PLEKHA1: variants seen among roughly 807,000 people sequenced by gnomAD.
PLEKHA1 encodes the protein pleckstrin homology domain containing A1.
A neutral mutation model predicts 52.0 loss-of-function variants in PLEKHA1; 34 were observed. The observed-to-expected ratio is 0.65, with a 90% CI of 0.50 to 0.87. The LOEUF (loss-of-function observed/expected upper bound fraction) is 0.87, where lower values mean the gene tolerates loss of function less well. PLEKHA1 is among the 40% of genes least tolerant of loss of function. The pLI, the probability that PLEKHA1 is intolerant of heterozygous loss-of-function variation, is 0.00. For missense variants in PLEKHA1, 497 were observed against 504.2 expected (o/e 0.99, Z 0.14); for synonymous variants, 163 against 170.7 (o/e 0.95, Z 0.35).
chr10:122,393,156 T>C lies in PLEKHA1; in HGVS notation c.-20-25T>C. ...ATACTTTCCTGTTTCATAGGGAGCT[T>C]ACTGTTAATATTTTTATTTTACAGT... On this transcript the variant is annotated intron_variant, in intron 1 of 11. Transcript: ENST00000368990. The surrounding 1 kb of genome is among the most constrained non-coding windows in gnomAD (Gnocchi z 4.5). The C allele has an allele frequency of 6.5e-7, 1 of 1,545,784 alleles. No individual in the cohort carries two copies. The highest frequency in any genetic ancestry group is 8.7e-7 in the Non-Finnish European group (1 of 1,144,766).
rs2096803098 is a variant in PLEKHA1 at position 122,393,484 on chromosome 10, C to T, written c.141+143C>T. 3 of 665,742 alleles carry T rather than the reference C, an allele frequency of 4.5e-6. No homozygotes were observed. In the South Asian group the frequency reaches 1.5e-4, roughly 33 times the overall value. The allele number at this position is 665,742 out of a possible 1,614,324, so 41.2% of individuals were successfully genotyped here. A position where few individuals can be genotyped will look rare whatever the true frequency, so the allele number is the denominator to read the frequency against. On this transcript the variant is annotated intron_variant, in intron 2 of 11. Coordinates refer to ENST00000368990, the MANE Select transcript of PLEKHA1 (RefSeq NM_001001974.4). The surrounding 1 kb of genome is among the most constrained non-coding windows in gnomAD (Gnocchi z 4.5). ...TACTGGCTGTCCTCTCTGCCCTGCACCCCTGACCTCTACTGTTTTGTTTGA... is the reference window on the plus strand; with the variant it reads ...TACTGGCTGTCCTCTCTGCCCTGCATCCCTGACCTCTACTGTTTTGTTTGA...
chr10:122,442,257 C>T, the PLEKHA1 span: 12 of 152,190 alleles, frequency 7.9e-5, no homozygotes, highest in East Asian at 2.1e-3. Context: ...GTTAACTGTA[C>T]TAGAGTCTTT....
intron 8 of PLEKHA1, 153 bp from the exon 9 acceptor site, chr10:122,424,045 TG>T: frequency 2.0e-6 from 2 of 997,346 alleles, no homozygotes; most frequent in South Asian, 3.5e-5. Context: ...ATTCAGATGC[TG>T]GATGGTTTAA....
At chr10:122,415,136 A>G (rs1411696638) in intron 6 of PLEKHA1, among the ~76,000 whole-genome samples, 1 of 152,148 alleles carries the variant, frequency 6.6e-6, no homozygotes, top group Non-Finnish European at 1.5e-5. Flanking sequence ...AAAGGAATGA[A>G]CTCTAGATAC....
intron 10 of PLEKHA1, chr10:122,425,225 C>G (rs1243001513): frequency 3.5e-6 from 1 of 285,838 alleles, no homozygotes; most frequent in African/African-American, 2.2e-5. Context: ...TAAGTGTGTA[C>G]TTTCAAGTTG....
intron 1 of PLEKHA1, among the ~76,000 whole-genome samples, chr10:122,382,534 G>A (rs2096629099): frequency 6.6e-6 from 1 of 152,206 alleles, no homozygotes; most frequent in Non-Finnish European, 1.5e-5. Flanking sequence ...GATATTTTGA[G>A]ACTATGAATA....
At chr10:122,391,043 A>G (rs900787798) in intron 1 of PLEKHA1, among the ~76,000 whole-genome samples, 1 of 152,020 alleles carries the variant, frequency 6.6e-6, no homozygotes, top group African/African-American at 2.4e-5. Flanking sequence ...TTCCCTAATG[A>G]CTGATGATAT....
At chr10:122,428,860 A>G (rs370956344) in intron 11 of PLEKHA1, among the ~76,000 whole-genome samples, 6 of 152,178 alleles carry the variant, frequency 3.9e-5, no homozygotes, top group African/African-American at 9.6e-5. Flanking sequence ...GTATATAGCA[A>G]TGTATTTAGA....
At chr10:122,379,656 G>A (rs1476758041) in intron 1 of PLEKHA1, among the ~76,000 whole-genome samples, 2 of 152,202 alleles carry the variant, frequency 1.3e-5, no homozygotes, top group Non-Finnish European at 2.9e-5. Flanking sequence ...GTGCTGATTA[G>A]GGTGCCAGAG....
intron 1 of PLEKHA1, among the ~76,000 whole-genome samples, chr10:122,379,308 C>T (rs2096582543): frequency 6.6e-6 from 1 of 152,196 alleles, no homozygotes; most frequent in Non-Finnish European, 1.5e-5. Flanking sequence ...TTCTATTCAA[C>T]CCACTGGAAA....
At chr10:122,436,782 A>G (rs1477393634), downstream of PLEKHA1, 4 of 152,188 alleles carry the variant, frequency 2.6e-5, no homozygotes, top group East Asian at 3.9e-4. Flanking sequence ...AGAAAAAGGT[A>G]CTTCTAAGTA....
chr10:122,426,290 A>AT lies in PLEKHA1; in HGVS notation c.811-637dup, dbSNP rs201108557. On this transcript the variant is annotated intron_variant, in intron 10 of 11. Transcript: ENST00000368990. The stretch of plus-strand genomic sequence containing the variant: ...GTATACTCTACCTTTGGCTACTTGT[A>AT]TTTTTTTTTTTTTTTAGTCTTTGTT... 5.0e-3 allele frequency among the ~76,000 whole-genome samples: 703 copies of AT among 139,240 alleles called. 3 individuals carry two copies. The highest frequency in any genetic ancestry group is 5.4e-3 in the Non-Finnish European group (342 of 63,786). The allele number at this position is 139,240 out of a possible 152,430, so 91.3% of individuals were successfully genotyped here. A position where few individuals can be genotyped will look rare whatever the true frequency, so the allele number is the denominator to read the frequency against.
intron 6 of PLEKHA1, among the ~76,000 whole-genome samples, chr10:122,414,065 T>C (rs2097141905): frequency 6.6e-6 from 1 of 152,110 alleles, no homozygotes; most frequent in South Asian, 2.1e-4. Flanking sequence ...TCATAGAGCA[T>C]ACATTTTCCA....
At chr10:122,382,468 T>G (rs1167357667) in intron 1 of PLEKHA1, among the ~76,000 whole-genome samples, 1 of 152,184 alleles carries the variant, frequency 6.6e-6, no homozygotes, top group Non-Finnish European at 1.5e-5. Context: ...GGCTATAAGA[T>G]CTCTCCAATG....
intron 11 of PLEKHA1, 122 bp from the exon 12 acceptor site, chr10:122,429,502 G>T: frequency 2.2e-6 from 1 of 460,802 alleles, no homozygotes; most frequent in Non-Finnish European, 3.4e-6. Context: ...CTTTGTGTGT[G>T]TGTGTGTGTG....
At chr10:122,437,004 T>TTTTTTTTTTTTTTG (rs2097440609), downstream of PLEKHA1, 1 of 150,458 alleles carries the variant, frequency 6.6e-6, no homozygotes. Context: ...TTTTTTTTTT[T>TTTTTTTTTTTTTTG]TTTTTTTTTG....
chr10:122,408,999 T>C (rs1436899378), intron 5 of PLEKHA1, among the ~76,000 whole-genome samples: 1 of 152,164 alleles, frequency 6.6e-6, no homozygotes, highest in African/African-American at 2.4e-5. Flanking sequence ...GTGTGTGGTT[T>C]CAAAATAGAG....
chr10:122,434,081 T>G (rs2097429529), downstream of PLEKHA1: 1 of 152,190 alleles, frequency 6.6e-6, no homozygotes, highest in Non-Finnish European at 1.5e-5. Flanking sequence ...GGAGCCTGCT[T>G]CCTTGAAAGT....
At chr10:122,439,013 T>C in the PLEKHA1 span, 1 of 152,282 alleles carries the variant, frequency 6.6e-6, no homozygotes, top group African/African-American at 2.4e-5. Flanking sequence ...TTCCCCATGC[T>C]GCTGGCTTTT....
Sources: gnomAD v4.1 joint callset for allele counts (sites outside exome capture counted in the v4.1 genomes callset) on GRCh38, gnomAD v4.1.1 for gene constraint, Gnocchi (gnomAD v3.1) non-coding constraint, MANE v1.5 for transcripts, NCBI Gene and HGNC (gene_info 2026-07-23, HGNC 2026-07-21) for gene names.